The following ZNF286A variants were observed in gnomAD, a reference collection of about 807,000 sequenced individuals.
ZNF286A encodes the protein zinc finger protein ZNF286.
In ZNF286A, 34 loss-of-function variants were observed where a neutral mutation model predicts 49.3. The ratio of observed to expected loss-of-function variants is 0.69; its 90% CI spans 0.52 to 0.92. ZNF286A has a LOEUF of 0.92. Ranked by LOEUF, ZNF286A falls within the 40% of genes least tolerant of loss-of-function variation. The pLI is 0.00. For synonymous variants in ZNF286A, 155 were observed against 200.4 expected (o/e 0.77, Z 1.91); for missense variants, 462 against 600.2 (o/e 0.77, Z 2.41).
At chr17:15,708,131 C>G (rs1990377119) in intron 4 of ZNF286A, 24 bp from the exon 5 acceptor site, 2 of 1,508,188 alleles carry the variant, frequency 1.3e-6, no homozygotes, top group African/African-American at 2.8e-5. Flanking sequence ...TTCTTTCTGT[C>G]TTTTTCTTTT....
rs1370976980 is a variant in ZNF286A at position 15,715,217 on chromosome 17, T to A, written c.335-842T>A. ...ATTGGTTTTCCATTTATCCTTTTTT[T>A]ATTTTTTTTTAAATGTAAGCAAACA... On this transcript the variant is annotated intron_variant, in intron 5 of 5. Transcript: ENST00000583566. Among the ~76,000 whole-genome samples the A allele has an allele frequency of 3.9e-5, 6 of 151,994 alleles. 1 individual carries two copies. The highest frequency in any genetic ancestry group is 1.9e-4 in the East Asian group (1 of 5,184).
chr17:15,708,067 C>T, intron 4 of ZNF286A, 88 bp from the exon 5 acceptor site: 2 of 820,290 alleles, frequency 2.4e-6, no homozygotes, highest in Non-Finnish European at 3.5e-6. Flanking sequence ...GAATATGTAA[C>T]AATTCAACTG....
At chr17:15,704,414 C>G (rs1316843755) in intron 3 of ZNF286A, 1 of 1,606,550 alleles carries the variant, frequency 6.2e-7, no homozygotes, top group South Asian at 1.1e-5. Flanking sequence ...TCGGCCCTGC[C>G]GCTGGGCCCG....
At chr17:15,705,575 A>G (rs545703394) in intron 3 of ZNF286A, among the ~76,000 whole-genome samples, 8 of 152,050 alleles carry the variant, frequency 5.3e-5, no homozygotes, top group Non-Finnish European at 1.0e-4. Context: ...ATTCCGTTCT[A>G]TTTTTGGAAT....
Position 15,701,249 on chromosome 17 carries a change from G to A in ZNF286A, c.126+9G>A. 6.2e-7 allele frequency: 1 copy of A among 1,612,322 alleles called. No individual in the cohort carries two copies. Among genetic ancestry groups the A allele is most frequent in the South Asian group, 1.1e-5 (1 of 90,908 alleles). The stretch of plus-strand genomic sequence containing the variant: ...TCACGGCCAGATCCCAGGTGAGTGA[G>A]TGCTGATTATTGGAATTACACCTTG... On this transcript the variant is annotated intron_variant, in intron 3 of 5. Coordinates refer to ENST00000583566, the MANE Select transcript of ZNF286A (RefSeq NM_001130842.2).
At position 15,716,879 on chromosome 17, in the gene ZNF286A, A is replaced by G; in HGVS notation, c.1155A>G (p.Gln385=). ...CTGGAGAGAAACCTTATAAATGTCA[A>G]GAATGTGGGAAAGCCTTTAGCCATT... ...THTGEKPYKC[Q]ECGKAFSHCS... is the part of the protein sequence containing the mutation. Residue 385 remains glutamine (Q), a synonymous_variant, in exon 6 of 6, where the codon CAA becomes CAG. Transcript: ENST00000583566. The G allele has an allele frequency of 6.2e-7, 1 of 1,609,148 alleles. No individual in the cohort carries two copies. The highest frequency in any genetic ancestry group is 8.5e-7 in the Non-Finnish European group (1 of 1,177,280).
At position 15,718,000 on chromosome 17, in the gene ZNF286A, C is replaced by A. The variant is rs2151486608; in HGVS notation, c.*710C>A. 7.1e-6 allele frequency: 1 copy of A among 140,138 alleles called. No individual in the cohort carries two copies. Among genetic ancestry groups the A allele is most frequent in the South Asian group, 2.3e-4 (1 of 4,380 alleles). 8.7% of individuals were successfully genotyped at this position (140,138 alleles called of 1,614,324 possible). On this transcript the variant is annotated 3_prime_UTR_variant, in exon 6 of 6. Coordinates refer to ENST00000583566, the MANE Select transcript of ZNF286A (RefSeq NM_001130842.2). Reference sequence around the variant, plus strand: ...CCGGGCTGGAGTGCAGTGGCGCGATCTCGGCTCACTGCAACCTCCACCTCC... The same window carrying A: ...CCGGGCTGGAGTGCAGTGGCGCGATATCGGCTCACTGCAACCTCCACCTCC...
At position 15,716,482 on chromosome 17, in the gene ZNF286A, C is replaced by T; in HGVS notation, c.758C>T (p.Thr253Ile). The T allele has an allele frequency of 1.2e-6, 2 of 1,614,048 alleles. No homozygotes were observed. Among genetic ancestry groups the T allele is most frequent in the South Asian group, 1.1e-5 (1 of 91,086 alleles). ...HKCNDCGELF[T>I]YHSVLIRHQR... ...TGTAATGATTGTGGTGAACTCTTCA[C>T]CTACCATTCAGTGCTTATTCGACAC... The change falls in exon 6 of 6, where the codon ACC becomes ATC. Residue 253 changes from threonine (T) to isoleucine (I), a missense_variant. Transcript: ENST00000583566.
At chr17:15,708,473 T>C in intron 5 of ZNF286A, 1 of 370,604 alleles carries the variant, frequency 2.7e-6, no homozygotes, top group Non-Finnish European at 4.8e-6. Flanking sequence ...CTCTTTTCTT[T>C]CTTCCTTTCT....
At chr17:15,709,037 T>C (rs1423248610) in intron 5 of ZNF286A, among the ~76,000 whole-genome samples, 1 of 152,176 alleles carries the variant, frequency 6.6e-6, no homozygotes, top group Non-Finnish European at 1.5e-5. Context: ...CTAGAGTCAT[T>C]GTACCAATTA....
intron 5 of ZNF286A, among the ~76,000 whole-genome samples, chr17:15,715,186 A>G (rs903001984): frequency 2.0e-5 from 3 of 151,742 alleles, no homozygotes; most frequent in African/African-American, 7.3e-5. Context: ...ATAGGTACAA[A>G]TTTTTATTGG....
Position 15,720,028 on chromosome 17 carries a change from A to G in ZNF286A, c.*2738A>G, listed in dbSNP as rs1276160569. ...TTCATTTGAGAGCCAAAATTTGACT[A>G]AGGAAAGAAGACCAACATGGGCTTT... On this transcript the variant is annotated 3_prime_UTR_variant, in exon 6 of 6. Transcript: ENST00000583566. 3 of 152,216 alleles carry G rather than the reference A, an allele frequency of 2.0e-5. No homozygotes were observed. The highest frequency in any genetic ancestry group is 7.2e-5 in the African/African-American group (3 of 41,464). 9.4% of individuals were successfully genotyped at this position (152,216 alleles called of 1,614,324 possible). A position where few individuals can be genotyped will look rare whatever the true frequency, so the allele number is the denominator to read the frequency against.
intron 3 of ZNF286A, chr17:15,704,566 A>T (rs1046348140): frequency 6.2e-7 from 1 of 1,613,960 alleles, no homozygotes; most frequent in African/African-American, 1.3e-5. Flanking sequence ...GGTCAGCAGT[A>T]CGTGTCGGAT....
chr17:15,709,335 CA>C (rs1175022757), intron 5 of ZNF286A, among the ~76,000 whole-genome samples: 2 of 147,974 alleles, frequency 1.4e-5, no homozygotes, highest in African/African-American at 5.1e-5. Flanking sequence ...ACTACAAATA[CA>C]AAAAAATTAG....
Position 15,701,237 on chromosome 17 carries a change from C to A in ZNF286A, c.123C>A (p.Ser41=), listed in dbSNP as rs1323892194. ...EVAALRLTAR[S]QETVTFKDVA... ...CTGCTCTGCGCCTCACGGCCAGATC[C>A]CAGGTGAGTGAGTGCTGATTATTGG... The change falls in exon 3 of 6, where the codon TCC becomes TCA. Residue 41 remains serine, a synonymous_variant. Transcript: ENST00000583566. 2 of 1,613,958 alleles carry A rather than the reference C, an allele frequency of 1.2e-6. No homozygotes were observed. The highest frequency in any genetic ancestry group is 2.2e-5 in the East Asian group (1 of 44,870).
Position 15,720,078 on chromosome 17 carries a change from A to G in ZNF286A, c.*2788A>G, listed in dbSNP as rs888383700. 1.4e-3 allele frequency: 214 copies of G among 152,282 alleles called. 1 individual carries two copies. The highest frequency in any genetic ancestry group is 4.8e-3 in the African/African-American group (201 of 41,554). The allele number at this position is 152,282 out of a possible 1,614,324, so 9.4% of individuals were successfully genotyped here. On this transcript the variant is annotated 3_prime_UTR_variant, in exon 6 of 6. Coordinates refer to ENST00000583566, the MANE Select transcript of ZNF286A (RefSeq NM_001130842.2). ...TCCAAAGTTGAGTTTGAATTCTGCC[A>G]TCCCCACTAAGCAGTCATGTGACCT...
At chr17:15,715,404 C>T (rs1224555445) in intron 5 of ZNF286A, among the ~76,000 whole-genome samples, 3 of 151,836 alleles carry the variant, frequency 2.0e-5, no homozygotes, top group Non-Finnish European at 4.4e-5. Context: ...GGATAGTACT[C>T]CATTGTTTGT....
In ZNF286A at chr17:15,704,828, C is replaced by G. The variant is rs1302787435; in HGVS notation, c.127-1559C>G. The G allele has an allele frequency of 9.5e-5, 153 of 1,613,224 alleles. 2 individuals are homozygous for G. In the South Asian group the frequency reaches 1.5e-3, roughly 16 times the overall value. ...ACCTTGATGCCATCGGGTGGGTCTGCGGTCAGTGTCGTCACCTCCTTGTAC... is the reference window on the plus strand; with the variant it reads ...ACCTTGATGCCATCGGGTGGGTCTGGGGTCAGTGTCGTCACCTCCTTGTAC... On this transcript the variant is annotated intron_variant, in intron 3 of 5. Transcript: ENST00000583566.
In ZNF286A at chr17:15,711,868, C is replaced by CG. The variant is rs1473535971; in HGVS notation, c.334+3621_334+3622insG. Among the ~76,000 whole-genome samples the CG allele has an allele frequency of 5.6e-3, 521 of 92,414 alleles. 24 individuals are homozygous for CG. Among genetic ancestry groups the CG allele is most frequent in the African/African-American group, 0.02 (505 of 25,338 alleles). 60.6% of individuals were successfully genotyped at this position (92,414 alleles called of 152,430 possible). The stretch of plus-strand genomic sequence containing the variant: ...GCATTTATCTGTAATCTGCCCCCCC[C>CG]CCGGCTTTTTTTTTTTTTTTTGAGA... On this transcript the variant is annotated intron_variant, in intron 5 of 5. Transcript: ENST00000583566.
Sources: allele counts gnomAD v4.1 joint callset (sites outside exome capture counted in the v4.1 genomes callset), GRCh38; gene constraint gnomAD v4.1.1; transcripts MANE v1.5; gene names NCBI Gene and HGNC (gene_info 2026-07-23, HGNC 2026-07-21).